Variants in MTMR10 observed in about 807,000 individuals in gnomAD.
The protein encoded by MTMR10 is myotubularin related protein 10.
MTMR10 carries 56 observed loss-of-function variants against 88.1 expected under a neutral mutation model. The observed-to-expected ratio is 0.64, with a 90% CI of 0.51 to 0.79. The LOEUF (loss-of-function observed/expected upper bound fraction) is 0.79. Among genes scored for constraint, MTMR10 ranks in the 30% least tolerant of loss-of-function variants. The pLI is 0.00. For synonymous variants in MTMR10, 380 were observed against 340.9 expected (o/e 1.11, Z -1.26); for missense variants, 883 against 924.7 (o/e 0.95, Z 0.58).
At chr15:30,984,605 T>G (rs2030817783) in intron 2 of MTMR10, among the ~76,000 whole-genome samples, 2 of 152,288 alleles carry the variant, frequency 1.3e-5, no homozygotes, top group African/African-American at 4.8e-5. Flanking sequence ...CCAGTGAGCT[T>G]GTAAAAAATA....
chr15:30,960,894 T>G lies in MTMR10; in HGVS notation c.745A>C (p.Met249Leu). 6.2e-7 allele frequency: 1 copy of G among 1,607,884 alleles called. No individual in the cohort carries two copies. Among genetic ancestry groups the G allele is most frequent in the Non-Finnish European group, 8.5e-7 (1 of 1,175,316 alleles). ...AATTGTACTTACCAAGTGGATATCATGTAACCCTCGTTAATAGAACAAACT... is the reference window on the plus strand; with the variant it reads ...AATTGTACTTACCAAGTGGATATCAGGTAACCCTCGTTAATAGAACAAACT... Reference protein sequence around the residue: ...WRVCSINEGYMISTCLPEYIV... With the variant: ...WRVCSINEGYLISTCLPEYIV... Residue 249 changes from methionine to leucine, a missense_variant, in exon 7 of 16, where the codon ATG becomes CTG. Transcript: ENST00000435680.
intron 2 of MTMR10, among the ~76,000 whole-genome samples, chr15:30,980,208 C>T (rs1050303535): frequency 2.6e-5 from 4 of 152,192 alleles, no homozygotes; most frequent in African/African-American, 4.8e-5. Flanking sequence ...TTTCAAAGAG[C>T]TCTAGAGGAC....
At chr15:30,968,042 T>G in intron 5 of MTMR10, 32 bp from the exon 6 acceptor site, 1 of 1,447,864 alleles carries the variant, frequency 6.9e-7, no homozygotes, top group Non-Finnish European at 9.5e-7. Context: ...GAATTTGATT[T>G]TAACACACTT....
the MTMR10 span, among the ~76,000 whole-genome samples, chr15:30,921,031 A>G: frequency 6.6e-6 from 1 of 152,194 alleles, no homozygotes; most frequent in Non-Finnish European, 1.5e-5. Flanking sequence ...TGATTTGCCC[A>G]CCTTGGCCTC....
rs929257914 is a variant in MTMR10, at chr15:30,940,577, G to GTTTGT, written c.*888_*892dup. 1.1e-4 allele frequency: 108 copies of GTTTGT among 985,444 alleles called. No homozygotes were observed. In the African/African-American group the frequency reaches 1.8e-3, roughly 16 times the overall value. 61.0% of individuals were successfully genotyped at this position (985,444 alleles called of 1,614,324 possible). A position where few individuals can be genotyped will look rare whatever the true frequency, so the allele number is the denominator to read the frequency against. On this transcript the variant is annotated 3_prime_UTR_variant, in exon 16 of 16. Transcript: ENST00000435680. ...CCCAGCACGCCTCCCAGCAAGCCTTGTTTGTTTTTGAGGGCGAGTTTTGGC... is the reference window on the plus strand; with the variant it reads ...CCCAGCACGCCTCCCAGCAAGCCTTGTTTGTTTTGTTTTTGAGGGCGAGTTTTGGC...
At chr15:30,979,701 T>C (rs2030425328) in intron 2 of MTMR10, among the ~76,000 whole-genome samples, 1 of 152,216 alleles carries the variant, frequency 6.6e-6, no homozygotes, top group East Asian at 1.9e-4. Flanking sequence ...ACAAACTGTA[T>C]TTAGGAGTCA....
intron 14 of MTMR10, among the ~76,000 whole-genome samples, chr15:30,945,274 G>C (rs142340627): frequency 6.6e-6 from 1 of 152,278 alleles, no homozygotes; most frequent in East Asian, 1.9e-4. Flanking sequence ...GTCAGAAAAG[G>C]CTTTTGAAAG....
chr15:30,939,399 C>T lies in MTMR10; in HGVS notation c.*2071G>A. On this transcript the variant is annotated 3_prime_UTR_variant, in exon 16 of 16. Coordinates refer to ENST00000435680, the MANE Select transcript of MTMR10 (RefSeq NM_017762.3). Reference sequence around the variant, plus strand: ...CTGTGCAGCCACACCACTGCTGTCACCACATGTCCCTCTGACGGCAGAGGT... The same window carrying T: ...CTGTGCAGCCACACCACTGCTGTCATCACATGTCCCTCTGACGGCAGAGGT... 1.0e-6 allele frequency: 1 copy of T among 985,432 alleles called. No homozygotes were observed. Among genetic ancestry groups the T allele is most frequent in the Non-Finnish European group, 1.2e-6 (1 of 829,916 alleles). The allele number at this position is 985,432 out of a possible 1,614,324, so 61.0% of individuals were successfully genotyped here. A position where few individuals can be genotyped will look rare whatever the true frequency, so the allele number is the denominator to read the frequency against.
At chr15:30,946,994 C>A (rs755047752) in intron 14 of MTMR10, 136 bp downstream of exon 14, 1 of 1,149,532 alleles carries the variant, frequency 8.7e-7, no homozygotes, top group Non-Finnish European at 1.2e-6. Flanking sequence ...ATAATCCATT[C>A]AGAAATTTCA....
intron 13 of MTMR10, among the ~76,000 whole-genome samples, chr15:30,948,023 CTTG>C (rs766258059): frequency 1.6e-4 from 24 of 152,128 alleles, no homozygotes; most frequent in Admixed American, 8.5e-4. Context: ...AGCCAATGTG[CTTG>C]TTATCTGTTT....
the MTMR10 span, chr15:30,925,326 G>A: frequency 6.3e-7 from 1 of 1,589,836 alleles, no homozygotes; most frequent in South Asian, 1.1e-5. Flanking sequence ...TTGGACTTAG[G>A]CGCGTGTACC....
Position 30,939,742 on chromosome 15 carries a change from A to G in MTMR10, c.*1728T>C, listed in dbSNP as rs1411748753. ...AATAATAAAAAAGCAGCTAAATGAAAAAGGGAGAATTGTGATTACACTGTC... is the reference window on the plus strand; with the variant it reads ...AATAATAAAAAAGCAGCTAAATGAAGAAGGGAGAATTGTGATTACACTGTC... On this transcript the variant is annotated 3_prime_UTR_variant, in exon 16 of 16. Coordinates refer to ENST00000435680, the MANE Select transcript of MTMR10 (RefSeq NM_017762.3). The G allele has an allele frequency of 2.0e-6, 2 of 984,402 alleles. No homozygotes were observed. Among genetic ancestry groups the G allele is most frequent in the African/African-American group, 1.7e-5 (1 of 57,340 alleles). The allele number at this position is 984,402 out of a possible 1,614,324, so 61.0% of individuals were successfully genotyped here. A position where few individuals can be genotyped will look rare whatever the true frequency, so the allele number is the denominator to read the frequency against.
At chr15:30,987,880 A>C (rs7170772) in intron 2 of MTMR10, among the ~76,000 whole-genome samples, 42,071 of 138,476 alleles carry the variant, frequency 0.3, 7,006 homozygotes, top group African/African-American at 0.5. Flanking sequence ...CACCCCCAAC[A>C]CCCCCGACAG....
At chr15:30,968,459 A>G (rs1391720245) in intron 5 of MTMR10, among the ~76,000 whole-genome samples, 4 of 152,102 alleles carry the variant, frequency 2.6e-5, no homozygotes, top group African/African-American at 9.7e-5. Context: ...ATAGAGAAAC[A>G]TAATTACAAA....
At chr15:30,944,735 G>C (rs997405143) in intron 14 of MTMR10, among the ~76,000 whole-genome samples, 2 of 151,974 alleles carry the variant, frequency 1.3e-5, no homozygotes, top group Non-Finnish European at 2.9e-5. Flanking sequence ...TCTTGGCCAA[G>C]CACGGTGGCT....
Position 30,946,763 on chromosome 15 carries a change from C to T in MTMR10, c.1548+367G>A, listed in dbSNP as rs971695464. The T allele has an allele frequency of 4.3e-6, 3 of 702,776 alleles. No homozygotes were observed. In the Middle Eastern group the frequency reaches 6.9e-4, roughly 161 times the overall value. 43.5% of individuals were successfully genotyped at this position (702,776 alleles called of 1,614,324 possible). A position where few individuals can be genotyped will look rare whatever the true frequency, so the allele number is the denominator to read the frequency against. ...AGGAAAATAATCTTGTTTTGTACAA[C>T]TTTTTATCCTACTGACCTAGGAAAT... On this transcript the variant is annotated intron_variant, in intron 14 of 15. Coordinates refer to ENST00000435680, the MANE Select transcript of MTMR10 (RefSeq NM_017762.3).
chr15:30,958,560 T>TAG (rs1436068253), intron 9 of MTMR10, among the ~76,000 whole-genome samples: 3 of 152,208 alleles, frequency 2.0e-5, no homozygotes, highest in African/African-American at 7.2e-5. Context: ...TATCCTGAAG[T>TAG]GTCTCAACTG....
At chr15:30,926,594 T>C in the MTMR10 span, 2 of 984,072 alleles carry the variant, frequency 2.0e-6, no homozygotes, top group African/African-American at 3.5e-5. Flanking sequence ...ACATAATATC[T>C]TTATTACTTA....
At chr15:30,972,977 C>T (rs78487716) in intron 5 of MTMR10, among the ~76,000 whole-genome samples, 2,275 of 152,226 alleles carry the variant, frequency 0.015, 57 homozygotes, top group African/African-American at 0.052. Flanking sequence ...TGTGATGTCC[C>T]TAATCTTGAG....
Sources: gnomAD v4.1 joint callset for allele counts (sites outside exome capture counted in the v4.1 genomes callset) on GRCh38, gnomAD v4.1.1 for gene constraint, MANE v1.5 for transcripts, NCBI Gene and HGNC (gene_info 2026-07-23, HGNC 2026-07-21) for gene names.